Variants in CLPX observed in about 807,000 individuals in gnomAD.
CLPX encodes ATP-dependent clpX-like chaperone, mitochondrial.
A neutral mutation model predicts 76.4 loss-of-function variants in CLPX; 34 were observed. The observed-to-expected ratio is 0.45, with a 90% confidence interval of 0.34 to 0.59. CLPX has a LOEUF of 0.59. CLPX is among the 20% of genes least tolerant of loss of function. CLPX has a pLI of 0.01. For synonymous variants in CLPX, 248 were observed against 270.9 expected, an observed-to-expected ratio of 0.92 and a Z score of 0.83; for missense variants, 613 against 757.0, an observed-to-expected ratio of 0.81 and a Z score of 2.23.
chr15:65,180,835 C>T (rs912010315), intron 1 of CLPX, among the ~76,000 whole-genome samples: 15 of 149,800 alleles, frequency 1.0e-4, no homozygotes, highest in African/African-American at 3.2e-4. Context: ...ACCCGGGAGG[C>T]GAAGTTTGCA....
At chr15:65,172,972 G>A (rs956027069) in intron 3 of CLPX, among the ~76,000 whole-genome samples, 4 of 152,092 alleles carry the variant, frequency 2.6e-5, no homozygotes, top group East Asian at 1.9e-4. Context: ...CTATGATTGC[G>A]CCACTGCATC....
intron 12 of CLPX, 116 bp from the exon 13 acceptor site, chr15:65,152,652 A>AAT (rs776162403): frequency 0.016 from 3,609 of 232,676 alleles, 30 homozygotes; most frequent in African/African-American, 0.036. Context: ...AAACAAAACA[A>AAT]ATATATATAT....
At chr15:65,172,623 A>G (rs1164219253) in intron 3 of CLPX, among the ~76,000 whole-genome samples, 1 of 152,050 alleles carries the variant, frequency 6.6e-6, no homozygotes, top group Non-Finnish European at 1.5e-5. Flanking sequence ...TAAGAGCGAA[A>G]CTCCGTCTGG....
At chr15:65,172,072 C>G (rs1387496974) in intron 3 of CLPX, among the ~76,000 whole-genome samples, 1 of 152,072 alleles carries the variant, frequency 6.6e-6, no homozygotes, top group South Asian at 2.1e-4. Context: ...CTCAGCTCAC[C>G]GCAACCTCCG....
At chr15:65,156,780 T>C (rs1449973604) in intron 9 of CLPX, 64 bp downstream of exon 9, 2 of 994,168 alleles carry the variant, frequency 2.0e-6, no homozygotes, top group Non-Finnish European at 3.2e-6. Flanking sequence ...AAACGTACAA[T>C]ATTTGGGAGG....
chr15:65,162,888 A>G lies in CLPX; in HGVS notation c.674-243T>C, dbSNP rs548397968. On this transcript the variant is annotated intron_variant, in intron 5 of 13. Transcript: ENST00000300107. ...ATATCTATTGTAAGGGTATAATAAC[A>G]TAAGTCTTTAATAAGAGTTTAAGCC... Among the ~76,000 whole-genome samples, 8 of 152,368 alleles carry G rather than the reference A, an allele frequency of 5.3e-5. No homozygotes were observed. The East Asian group carries it at 9.6e-4, about 18-fold the overall frequency.
At chr15:65,183,884 C>T (rs1450253073) in intron 1 of CLPX, among the ~76,000 whole-genome samples, 2 of 152,202 alleles carry the variant, frequency 1.3e-5, no homozygotes, top group Middle Eastern at 3.2e-3. Flanking sequence ...TAATATATAT[C>T]AGATAAATGG....
rs200222914 is a variant in CLPX at position 65,185,031 on chromosome 15, C to T, written c.79+44G>A. On this transcript the variant is annotated intron_variant, in intron 1 of 13. Transcript: ENST00000300107. ...CCCCAACCATTGGCCAGTCCACCCC[C>T]CCCCCGACAGGCTGAGGGCTCAGGA... 93 of 1,505,600 alleles carry T rather than the reference C, an allele frequency of 6.2e-5. 1 individual carries two copies. Among genetic ancestry groups the T allele is most frequent in the Middle Eastern group, 5.1e-4 (3 of 5,900 alleles). 93.3% of individuals were successfully genotyped at this position (1,505,600 alleles called of 1,614,324 possible).
At chr15:65,151,161 A>G (rs2087714161) in intron 13 of CLPX, among the ~76,000 whole-genome samples, 1 of 151,920 alleles carries the variant, frequency 6.6e-6, no homozygotes, top group South Asian at 2.1e-4. Flanking sequence ...CCTGGCCAAC[A>G]TGTTGAAACC....
At position 65,155,406 on chromosome 15, in the gene CLPX, C is replaced by T. The variant is rs376949994; in HGVS notation, c.1311+286G>A. On this transcript the variant is annotated intron_variant, in intron 10 of 13. Coordinates refer to ENST00000300107, the MANE Select transcript of CLPX (RefSeq NM_006660.5). ...CTGGGATTACAGGCACCCACCACTA[C>T]TCCTGGCTAATTTTTTGTATTTTTA... Among the ~76,000 whole-genome samples, 152 of 152,246 alleles carry T rather than the reference C, an allele frequency of 1.0e-3. 1 individual carries two copies. Among genetic ancestry groups the T allele is most frequent in the African/African-American group, 3.5e-3 (146 of 41,544 alleles).
rs1286766996 is a variant in CLPX, at chr15:65,166,779, G to T, written c.365C>A (p.Thr122Asn). The T allele has an allele frequency of 6.2e-7, 1 of 1,611,814 alleles. No homozygotes were observed. The highest frequency in any genetic ancestry group is 1.1e-5 in the South Asian group (1 of 90,722). The change falls in exon 4 of 14, where the codon ACC becomes AAC. Residue 122 changes from threonine to asparagine, a missense_variant. By Grantham distance (65) the Thr-to-Asn change is moderately conservative (BLOSUM62 0). Transcript: ENST00000300107. The part of the protein sequence containing the change: ...CTHVETFVSS[T>N]RFVKCEKCHH... ...ACACTTTTCACACTTGACAAAACGG[G>T]TGGATGCTGTAAAAGAAAACAGACA...
At chr15:65,172,319 G>A (rs992978102) in intron 3 of CLPX, among the ~76,000 whole-genome samples, 1 of 152,118 alleles carries the variant, frequency 6.6e-6, no homozygotes, top group Non-Finnish European at 1.5e-5. Context: ...AAGTTACCAG[G>A]AGATAAATTC....
intron 3 of CLPX, among the ~76,000 whole-genome samples, chr15:65,169,549 T>A (rs1182550991): frequency 2.0e-5 from 3 of 151,926 alleles, no homozygotes. Flanking sequence ...TGAAACCCTG[T>A]CTCTACTAAA....
intron 6 of CLPX, among the ~76,000 whole-genome samples, chr15:65,159,185 C>G (rs1043672905): frequency 6.6e-6 from 1 of 152,170 alleles, no homozygotes; most frequent in Non-Finnish European, 1.5e-5. Flanking sequence ...AAATATGATA[C>G]ACCTTACTAT....
At position 65,161,377 on chromosome 15, in the gene CLPX, G is replaced by A. The variant is rs189057290; in HGVS notation, c.715+1227C>T. On this transcript the variant is annotated intron_variant, in intron 6 of 13. Coordinates refer to ENST00000300107, the MANE Select transcript of CLPX (RefSeq NM_006660.5). Reference sequence around the variant, plus strand: ...TTTTGGTCTAAAACCCTAGACCAGTGTTAGGGTCTAACACCCCCAGCCAGT... The same window carrying A: ...TTTTGGTCTAAAACCCTAGACCAGTATTAGGGTCTAACACCCCCAGCCAGT... Among the ~76,000 whole-genome samples the A allele has an allele frequency of 7.2e-4, 109 of 152,244 alleles. 1 individual carries two copies. Among genetic ancestry groups the A allele is most frequent in the African/African-American group, 2.6e-3 (107 of 41,534 alleles).
intron 1 of CLPX, among the ~76,000 whole-genome samples, chr15:65,180,469 T>C (rs2088151286): frequency 6.6e-6 from 1 of 152,196 alleles, no homozygotes; most frequent in Non-Finnish European, 1.5e-5. Flanking sequence ...ACCCACGTCA[T>C]AACTTTTTCA....
At chr15:65,173,189 G>A (rs1274476064) in intron 3 of CLPX, among the ~76,000 whole-genome samples, 2 of 152,020 alleles carry the variant, frequency 1.3e-5, no homozygotes, top group Non-Finnish European at 2.9e-5. Context: ...GACCAACATA[G>A]TGAAATCTTG....
At chr15:65,173,917 G>T (rs1249761651) in intron 3 of CLPX, among the ~76,000 whole-genome samples, 1 of 152,136 alleles carries the variant, frequency 6.6e-6, no homozygotes, top group African/African-American at 2.4e-5. Flanking sequence ...TCTTTCTGGG[G>T]TGATGAAAAA....
intron 1 of CLPX, among the ~76,000 whole-genome samples, chr15:65,182,012 A>T (rs974720481): frequency 2.0e-5 from 3 of 151,230 alleles, no homozygotes; most frequent in Admixed American, 6.6e-5. Context: ...AGTCTCAGCT[A>T]CCCGGGATGC....
Sources: allele counts gnomAD v4.1 joint callset (sites outside exome capture counted in the v4.1 genomes callset), GRCh38; gene constraint gnomAD v4.1.1; transcripts MANE v1.5; gene names NCBI Gene and HGNC (gene_info 2026-07-23, HGNC 2026-07-21).